The following LRP2 variants were observed in gnomAD, a reference collection of about 807,000 sequenced individuals.
LRP2 encodes the protein LDL receptor related protein 2, also known as low-density lipoprotein receptor-related protein 2.
Under a neutral mutation model 531.0 loss-of-function variants are expected in LRP2, and 172 were observed. The ratio of observed to expected loss-of-function variants is 0.32; its 90% CI spans 0.29 to 0.37. The LOEUF (loss-of-function observed/expected upper bound fraction) is 0.37, where lower values mean the gene tolerates loss of function less well. LRP2 is among the 10% of genes least tolerant of loss of function. LRP2 has a pLI of 1.00. For synonymous variants in LRP2, 1,992 were observed against 2,027.6 expected (o/e 0.98, Z 0.47); for missense variants, 5,167 against 5,868.3 (o/e 0.88, Z 3.90).
rs1048000990 is a variant in LRP2 at position 169,209,442 on chromosome 2, A to G, written c.6469+11T>C. The G allele has an allele frequency of 6.2e-7, 1 of 1,612,806 alleles. No individual in the cohort carries two copies. The highest frequency in any genetic ancestry group is 8.5e-7 in the Non-Finnish European group (1 of 1,178,800). Reference sequence around the variant, plus strand: ...TGCAAACATATTAAAATCACCATATAGCTTACATACCTGCTACCCAATCCA... The same window carrying G: ...TGCAAACATATTAAAATCACCATATGGCTTACATACCTGCTACCCAATCCA... On this transcript the variant is annotated intron_variant, in intron 38 of 78. Coordinates refer to ENST00000649046, the MANE Select transcript of LRP2 (RefSeq NM_004525.3).
In LRP2 at chr2:169,206,208, C is replaced by A. The variant is rs1548934; in HGVS notation, c.7391-20G>T. The A allele has an allele frequency of 1.2e-6, 2 of 1,613,756 alleles. No homozygotes were observed. The highest frequency in any genetic ancestry group is 1.1e-5 in the South Asian group (1 of 91,060). On this transcript the variant is annotated intron_variant, in intron 39 of 78. Transcript: ENST00000649046. ...CTATACCTGGACACATACAGGCAGA[C>A]ACACACACAAGCACACACAAAGACA...
intron 33 of LRP2, among the ~76,000 whole-genome samples, 191 bp from the exon 34 acceptor site, chr2:169,220,754 A>G (rs1353538377): frequency 6.6e-6 from 1 of 152,190 alleles, no homozygotes; most frequent in Non-Finnish European, 1.5e-5. Flanking sequence ...ATAGAAAATG[A>G]GAGTAAGAGC....
intron 52 of LRP2, among the ~76,000 whole-genome samples, chr2:169,178,985 AT>A (rs1272888356): frequency 1.4e-5 from 1 of 70,026 alleles, no homozygotes; most frequent in East Asian, 5.8e-4. Context: ...TCACCATCTG[AT>A]TTATTTATTT....
chr2:169,166,304 C>G (rs1402924089), intron 61 of LRP2, among the ~76,000 whole-genome samples: 1 of 152,214 alleles, frequency 6.6e-6, no homozygotes, highest in Non-Finnish European at 1.5e-5. Context: ...AGTAGAGAAA[C>G]AGGCTTTTCA....
intron 45 of LRP2, among the ~76,000 whole-genome samples, chr2:169,198,502 A>G (rs923870654): frequency 6.6e-6 from 1 of 152,226 alleles, no homozygotes; most frequent in African/African-American, 2.4e-5. Context: ...GCCTAAGTAC[A>G]TGAAGGCAAA....
intron 31 of LRP2, among the ~76,000 whole-genome samples, chr2:169,229,427 C>T (rs1415607168): frequency 6.6e-6 from 1 of 152,162 alleles, no homozygotes; most frequent in East Asian, 1.9e-4. Flanking sequence ...GCACTGCAGC[C>T]TTCCCTGGAG....
chr2:169,162,025 T>C (rs1444627964), intron 63 of LRP2, among the ~76,000 whole-genome samples: 1 of 152,210 alleles, frequency 6.6e-6, no homozygotes, highest in African/African-American at 2.4e-5. Context: ...GTATTTCTCC[T>C]AATGCTATCC....
intron 24 of LRP2, among the ~76,000 whole-genome samples, chr2:169,242,480 C>A (rs1167606358): frequency 6.6e-6 from 1 of 152,190 alleles, no homozygotes; most frequent in African/African-American, 2.4e-5. Context: ...CTTCTATAAT[C>A]TCCATAGATA....
At chr2:169,257,068 T>G in intron 18 of LRP2, 56 bp downstream of exon 18, 1 of 1,603,844 alleles carries the variant, frequency 6.2e-7, no homozygotes. Context: ...ACCTGCCTCA[T>G]TATGTGTTCT....
intron 39 of LRP2, 38 bp downstream of exon 39, chr2:169,206,292 T>C (rs780665881): frequency 1.2e-6 from 2 of 1,612,058 alleles, no homozygotes; most frequent in Admixed American, 3.3e-5. Flanking sequence ...CCCCATTGTG[T>C]CTACTTGCAG....
intron 66 of LRP2, among the ~76,000 whole-genome samples, chr2:169,153,642 A>G (rs893899185): frequency 2.0e-5 from 3 of 152,180 alleles, no homozygotes; most frequent in Non-Finnish European, 2.9e-5. Context: ...ACAGAACAAG[A>G]TTACTACTTT....
chr2:169,169,845 G>A (rs756714246), intron 59 of LRP2, 27 bp from the exon 60 acceptor site: 1 of 1,485,906 alleles, frequency 6.7e-7, no homozygotes, highest in Admixed American at 1.7e-5. Context: ...GTCATTCCGA[G>A]AAGGCCTTGT....
At chr2:169,281,332 G>A (rs1026892800) in intron 10 of LRP2, among the ~76,000 whole-genome samples, 1 of 152,146 alleles carries the variant, frequency 6.6e-6, no homozygotes, top group Non-Finnish European at 1.5e-5. Flanking sequence ...TGAGGCAGGA[G>A]AATCGCTTGA....
At chr2:169,209,419 C>A (rs752645558) in intron 38 of LRP2, 34 bp downstream of exon 38, 15 of 1,599,600 alleles carry the variant, frequency 9.4e-6, no homozygotes, top group Non-Finnish European at 1.3e-5. Context: ...GACAGAGATG[C>A]AAACATATTA....
rs544893407 is a variant in LRP2 at position 169,290,401 on chromosome 2, T to C, written c.922+444A>G. ...CCATTGAAACAATCCTCCCTGTGTG[T>C]GCGTTAGGGATTAGGAACGGGGAGT... On this transcript the variant is annotated intron_variant, in intron 8 of 78. Coordinates refer to ENST00000649046, the MANE Select transcript of LRP2 (RefSeq NM_004525.3). Among the ~76,000 whole-genome samples the C allele has an allele frequency of 4.3e-4, 65 of 151,062 alleles. 1 individual carries two copies. In the South Asian group the frequency reaches 4.6e-3, roughly 11 times the overall value.
At chr2:169,255,761 A>T (rs1377999741) in intron 19 of LRP2, among the ~76,000 whole-genome samples, 2 of 152,186 alleles carry the variant, frequency 1.3e-5, no homozygotes, top group Non-Finnish European at 2.9e-5. Context: ...TTGCTGTTTT[A>T]TTCTTGAAAA....
Position 169,169,732 on chromosome 2 carries a change from A to G in LRP2, c.11467T>C (p.Cys3823Arg). The change falls in exon 60 of 79, where the codon TGT (cysteine) becomes CGT (arginine). Residue 3823 changes from cysteine to arginine, a missense_variant. Cys to Arg is a radical substitution (Grantham distance 180, BLOSUM62 -3). This residue lies in a region of LRP2 where 564 missense variants were observed against 747.7 expected (regional missense o/e 0.75). Transcript: ENST00000649046. ...SELKCDGSAD[C>R]LDASDEADCP... Reference sequence around the variant, plus strand: ...TCAGCTTCATCAGACGCATCCAAACAGTCAGCGGATCCATCGCATTTCAGT... The same window carrying G: ...TCAGCTTCATCAGACGCATCCAAACGGTCAGCGGATCCATCGCATTTCAGT... 1 of 1,614,156 alleles carries G rather than the reference A, an allele frequency of 6.2e-7. No homozygotes were observed. The highest frequency in any genetic ancestry group is 1.6e-4 in the Middle Eastern group (1 of 6,062).
chr2:169,327,039 G>T (rs1487809133), intron 1 of LRP2, among the ~76,000 whole-genome samples: 1 of 151,846 alleles, frequency 6.6e-6, no homozygotes, highest in Non-Finnish European at 1.5e-5. Context: ...CGTCTGGGAA[G>T]TGAGGAGCGT....
intron 8 of LRP2, 84 bp downstream of exon 8, chr2:169,290,761 A>C: frequency 7.0e-7 from 1 of 1,427,104 alleles, no homozygotes; most frequent in Non-Finnish European, 9.8e-7. Context: ...GCAAATGCCA[A>C]CAGATACACT....
Sources: gnomAD v4.1 joint callset for allele counts (sites outside exome capture counted in the v4.1 genomes callset) on GRCh38, gnomAD v4.1.1 for gene constraint, gnomAD v4.1.1 regional missense constraint, MANE v1.5 for transcripts, NCBI Gene and HGNC (gene_info 2026-07-23, HGNC 2026-07-21) for gene names.